The following EVL variants were observed in gnomAD, a reference collection of about 807,000 sequenced individuals.
The protein encoded by EVL is ena/VASP-like protein.
In EVL, 21 loss-of-function variants were observed where a neutral mutation model predicts 59.6. That is an observed-to-expected ratio of 0.35 (90% confidence interval 0.25 to 0.51). EVL has a LOEUF of 0.51. EVL is among the 20% of genes least tolerant of loss of function. EVL has a pLI of 0.97. For missense variants in EVL, 462 were observed against 546.6 expected (o/e 0.85, Z 1.54); for synonymous variants, 198 against 203.5 (o/e 0.97, Z 0.23).
At chr14:100,079,549 G>A (rs138551312) in intron 1 of EVL, among the ~76,000 whole-genome samples, 313 of 152,256 alleles carry the variant, frequency 2.1e-3, no homozygotes, top group African/African-American at 7.1e-3. Context: ...GGGGCTGCAG[G>A]AGCCAGCCTC....
chr14:99,997,979 CTTCA>C (rs1223514061), intron 1 of EVL, among the ~76,000 whole-genome samples: 1 of 152,008 alleles, frequency 6.6e-6, no homozygotes, highest in Non-Finnish European at 1.5e-5. Flanking sequence ...TCATTTGTTC[CTTCA>C]TTCATTCAAC....
rs1017446314 is a variant in EVL at position 99,972,517 on chromosome 14, C to T, written c.5+460C>T. ...GCCGAAGCCTCCCCCTGCCAGCGCCCAGAGCCGCGTTTGGGCTTTTACAGG... is the reference window on the plus strand; with the variant it reads ...GCCGAAGCCTCCCCCTGCCAGCGCCTAGAGCCGCGTTTGGGCTTTTACAGG... On this transcript the variant is annotated intron_variant, in intron 1 of 13. Transcript: ENST00000402714. This position sits in a 1 kb window ranked among gnomAD's most constrained non-coding sequence, Gnocchi z 4.4. 6.6e-6 allele frequency among the ~76,000 whole-genome samples: 1 copy of T among 152,232 alleles called. No individual in the cohort carries two copies. Among genetic ancestry groups the T allele is most frequent in the Non-Finnish European group, 1.5e-5 (1 of 68,034 alleles).
intron 1 of EVL, among the ~76,000 whole-genome samples, chr14:100,009,970 A>G (rs2061006044): frequency 6.6e-6 from 1 of 152,180 alleles, no homozygotes; most frequent in African/African-American, 2.4e-5. Flanking sequence ...GATTGTGGAG[A>G]CCAAGTTTTA....
chr14:99,999,216 C>T (rs927382282), intron 1 of EVL, among the ~76,000 whole-genome samples: 1 of 152,094 alleles, frequency 6.6e-6, no homozygotes, highest in Non-Finnish European at 1.5e-5. Flanking sequence ...TATTTGAAGT[C>T]ACATAGGAAT....
intron 1 of EVL, among the ~76,000 whole-genome samples, chr14:100,023,371 AT>A (rs1010647617): frequency 0.11 from 9,799 of 90,850 alleles, 412 homozygotes; most frequent in East Asian, 0.36. Context: ...AGCCCGGCTA[AT>A]TTTTTTTTTT....
rs55830828 is a variant in EVL, at chr14:100,136,587, G to A, written c.964+619G>A. 4.7e-3 allele frequency among the ~76,000 whole-genome samples: 719 copies of A among 152,232 alleles called. 6 individuals carry two copies. Among genetic ancestry groups the A allele is most frequent in the African/African-American group, 0.017 (689 of 41,522 alleles). Reference sequence around the variant, plus strand: ...CCAGGCCTGTGCTCATGAGCACAGCGAGGAGAGACAGGGGCATCAGGCTGC... The same window carrying A: ...CCAGGCCTGTGCTCATGAGCACAGCAAGGAGAGACAGGGGCATCAGGCTGC... On this transcript the variant is annotated intron_variant, in intron 9 of 13. Transcript: ENST00000392920.
intron 1 of EVL, among the ~76,000 whole-genome samples, chr14:100,028,276 G>A (rs991645031): frequency 6.6e-6 from 1 of 151,138 alleles, no homozygotes; most frequent in African/African-American, 2.4e-5. Context: ...CTGTCTTTTT[G>A]ATAAAACTGT....
intron 13 of EVL, 94 bp from the exon 14 acceptor site, chr14:100,143,607 C>A (rs747858609): frequency 3.0e-5 from 44 of 1,482,060 alleles, no homozygotes; most frequent in Non-Finnish European, 4.0e-5. Context: ...GGGACACATA[C>A]CAGGCAGGTC....
chr14:100,114,651 G>T lies in EVL; in HGVS notation c.359-8888G>T, dbSNP rs898880033. 6.6e-6 allele frequency: 1 copy of T among 152,524 alleles called. No homozygotes were observed. Among genetic ancestry groups the T allele is most frequent in the Non-Finnish European group, 1.5e-5 (1 of 68,272 alleles). 9.4% of individuals were successfully genotyped at this position (152,524 alleles called of 1,614,324 possible). ...GTGCCGCGGAGCCCTGCCCGTGATGGTCAGCAGGGAGTGGGCCTTCCACTG... is the reference window on the plus strand; with the variant it reads ...GTGCCGCGGAGCCCTGCCCGTGATGTTCAGCAGGGAGTGGGCCTTCCACTG... On this transcript the variant is annotated intron_variant, in intron 3 of 13. Coordinates refer to ENST00000392920, the MANE Select transcript of EVL (RefSeq NM_016337.3). The surrounding 1 kb of genome is among the most constrained non-coding windows in gnomAD (Gnocchi z 5.0).
At chr14:100,004,435 C>T (rs559582504) in intron 1 of EVL, among the ~76,000 whole-genome samples, 3 of 151,946 alleles carry the variant, frequency 2.0e-5, no homozygotes, top group Admixed American at 6.6e-5. Flanking sequence ...AAATCAATCC[C>T]TTAAGAAAAT....
At chr14:100,143,106 G>A (rs1317126440) in intron 13 of EVL, among the ~76,000 whole-genome samples, 2 of 152,182 alleles carry the variant, frequency 1.3e-5, no homozygotes, top group Non-Finnish European at 2.9e-5. Flanking sequence ...AGAGGAAGGA[G>A]GGAAAGGCCC....
chr14:100,058,615 T>A (rs1290615533), intron 1 of EVL, among the ~76,000 whole-genome samples: 1 of 152,188 alleles, frequency 6.6e-6, no homozygotes, highest in African/African-American at 2.4e-5. Flanking sequence ...GATTTAGGAA[T>A]TGGTACCACT....
In EVL at chr14:100,109,735, C is replaced by G. The variant is rs368305313; in HGVS notation, c.358+12077C>G. ...AATTGTCTCACACAGAAATCGCACC[C>G]GTCACCTTGGCCTACTTATCACCAC... On this transcript the variant is annotated intron_variant, in intron 3 of 13. Transcript: ENST00000392920. The surrounding 1 kb of genome is among the most constrained non-coding windows in gnomAD (Gnocchi z 4.3). The G allele has an allele frequency of 1.9e-6, 1 of 528,638 alleles. No individual in the cohort carries two copies. Among genetic ancestry groups the G allele is most frequent in the Non-Finnish European group, 3.9e-6 (1 of 256,886 alleles). The allele number at this position is 528,638 out of a possible 1,614,324, so 32.7% of individuals were successfully genotyped here.
chr14:100,034,070 A>G (rs1284672843), intron 1 of EVL, among the ~76,000 whole-genome samples: 1 of 149,290 alleles, frequency 6.7e-6, no homozygotes, highest in African/African-American at 2.6e-5. Flanking sequence ...TACTAAAAAT[A>G]CAAACAAAAA....
chr14:100,044,388 C>CT (rs1302849198), intron 1 of EVL, among the ~76,000 whole-genome samples: 2 of 152,124 alleles, frequency 1.3e-5, no homozygotes, highest in Non-Finnish European at 2.9e-5. Context: ...GAGATTTTGG[C>CT]TTACATATAC....
At chr14:99,982,296 C>T (rs550652318) in intron 1 of EVL, among the ~76,000 whole-genome samples, 1 of 152,234 alleles carries the variant, frequency 6.6e-6, no homozygotes, top group Admixed American at 6.5e-5. Flanking sequence ...GCTAAATATT[C>T]TTTGAAAACA....
At chr14:100,059,205 T>C (rs753302253) in intron 1 of EVL, among the ~76,000 whole-genome samples, 25 of 152,240 alleles carry the variant, frequency 1.6e-4, no homozygotes, top group African/African-American at 5.3e-4. Flanking sequence ...ATAGAAGATA[T>C]TAAATCCCTG....
chr14:100,036,153 T>G (rs2061385552), intron 1 of EVL, among the ~76,000 whole-genome samples: 1 of 152,166 alleles, frequency 6.6e-6, no homozygotes, highest in African/African-American at 2.4e-5. Flanking sequence ...GAACTGTGCA[T>G]GCAAAGGAGC....
chr14:100,009,219 C>G (rs1178952883), intron 1 of EVL, among the ~76,000 whole-genome samples: 1 of 152,228 alleles, frequency 6.6e-6, no homozygotes, highest in Non-Finnish European at 1.5e-5. Context: ...TACCTAGACT[C>G]CATACCTTAG....
Sources: allele counts gnomAD v4.1 joint callset (sites outside exome capture counted in the v4.1 genomes callset), GRCh38; gene constraint gnomAD v4.1.1; non-coding constraint Gnocchi (gnomAD v3.1); transcripts MANE v1.5; gene names NCBI Gene and HGNC (gene_info 2026-07-23, HGNC 2026-07-21).